The following SLC6A15 variants were observed in gnomAD, a reference collection of about 807,000 sequenced individuals.
SLC6A15 encodes solute carrier family 6 member 15.
A neutral mutation model predicts 68.5 loss-of-function variants in SLC6A15; 33 were observed. That is an observed-to-expected ratio of 0.48 (90% confidence interval 0.37 to 0.64). The LOEUF (loss-of-function observed/expected upper bound fraction) is 0.64. Among genes scored for constraint, SLC6A15 ranks in the 30% least tolerant of loss-of-function variants. The pLI is 0.00. For missense variants in SLC6A15, 747 were observed against 874.3 expected, an observed-to-expected ratio of 0.85 and a Z score of 1.84; for synonymous variants, 347 against 301.0, an observed-to-expected ratio of 1.15 and a Z score of -1.58.
intron 5 of SLC6A15, chr12:84,881,466 A>G (rs2120622540): frequency 1.0e-6 from 1 of 985,438 alleles, no homozygotes; most frequent in South Asian, 4.7e-5. Context: ...TCATAATAAA[A>G]AGGAAAATAC....
rs1020269011 is a variant in SLC6A15, at chr12:84,860,679, T to C, written c.*953A>G. ...TTTTAAACTTTGTTTATTTGTAGATTAAAATGTAATGCATTACAATTTTAA... is the reference window on the plus strand; with the variant it reads ...TTTTAAACTTTGTTTATTTGTAGATCAAAATGTAATGCATTACAATTTTAA... On this transcript the variant is annotated 3_prime_UTR_variant, in exon 12 of 12. Transcript: ENST00000266682. The C allele has an allele frequency of 2.0e-5, 3 of 152,168 alleles. No individual in the cohort carries two copies. Among genetic ancestry groups the C allele is most frequent in the African/African-American group, 7.2e-5 (3 of 41,458 alleles). 9.4% of individuals were successfully genotyped at this position (152,168 alleles called of 1,614,324 possible).
intron 1 of SLC6A15, among the ~76,000 whole-genome samples, chr12:84,902,271 A>G (rs1872917748): frequency 6.6e-6 from 1 of 151,990 alleles, no homozygotes; most frequent in African/African-American, 2.4e-5. Flanking sequence ...ATACTTCATT[A>G]AATGTATATT....
At chr12:84,892,341 T>C in intron 1 of SLC6A15, 33 bp from the exon 2 acceptor site, 2 of 406,020 alleles carry the variant, frequency 4.9e-6, no homozygotes. Flanking sequence ...GTGATCATAT[T>C]TAATGATGAA....
At chr12:84,863,654 T>TA in intron 10 of SLC6A15, 53 bp from the exon 11 acceptor site, 1 of 1,295,814 alleles carries the variant, frequency 7.7e-7, no homozygotes, top group African/African-American at 1.5e-5. Context: ...TGCTAAACCT[T>TA]AAAAAATGTG....
chr12:84,874,840 T>A (rs1398232479), intron 6 of SLC6A15, among the ~76,000 whole-genome samples: 1 of 152,236 alleles, frequency 6.6e-6, no homozygotes, highest in Non-Finnish European at 1.5e-5. Flanking sequence ...GATGTGCTTA[T>A]GTACTTTCTC....
intron 1 of SLC6A15, among the ~76,000 whole-genome samples, chr12:84,909,698 T>TA (rs1157077796): frequency 2.0e-5 from 3 of 152,248 alleles, no homozygotes; most frequent in Non-Finnish European, 2.9e-5. Flanking sequence ...TATGTAGTAA[T>TA]AAAGAATTAA....
intron 10 of SLC6A15, among the ~76,000 whole-genome samples, chr12:84,865,006 T>A (rs1336651168): frequency 6.6e-6 from 1 of 152,200 alleles, no homozygotes; most frequent in Non-Finnish European, 1.5e-5. Context: ...AAAGAGAGAT[T>A]CTTTAGTAAG....
At position 84,873,243 on chromosome 12, in the gene SLC6A15, A is replaced by G; in HGVS notation, c.953T>C (p.Ile318Thr). The change falls in exon 7 of 12, where the codon ATT becomes ACT. Residue 318 changes from isoleucine (I) to threonine (T), a missense_variant. Physicochemically the swap from Ile to Thr is moderately conservative, Grantham distance 89 (BLOSUM62 -1). Coordinates refer to ENST00000266682, the MANE Select transcript of SLC6A15 (RefSeq NM_182767.6). ...FALGLGFGGV[I>T]AFSSYNKRDN... Reference sequence around the variant, plus strand: ...TCTCTTGTTGTAGCTTGAAAAGGCAATGACACCACCAAATCCCAGACCTAA... The same window carrying G: ...TCTCTTGTTGTAGCTTGAAAAGGCAGTGACACCACCAAATCCCAGACCTAA... 1.9e-6 allele frequency: 3 copies of G among 1,614,112 alleles called. No homozygotes were observed. Among genetic ancestry groups the G allele is most frequent in the Non-Finnish European group, 2.5e-6 (3 of 1,179,992 alleles).
intron 1 of SLC6A15, among the ~76,000 whole-genome samples, chr12:84,892,725 C>A (rs1872470192): frequency 6.6e-6 from 1 of 152,126 alleles, no homozygotes; most frequent in African/African-American, 2.4e-5. Flanking sequence ...CATATATAAT[C>A]TCTTCTGTTC....
intron 6 of SLC6A15, among the ~76,000 whole-genome samples, chr12:84,874,924 G>A (rs1565723029): frequency 2.0e-5 from 3 of 152,066 alleles, no homozygotes; most frequent in Admixed American, 2.0e-4. Flanking sequence ...CTACAGAAAT[G>A]TAATAGAGTC....
chr12:84,883,720 T>C (rs1265578597), intron 5 of SLC6A15, 139 bp downstream of exon 5: 1 of 1,594,446 alleles, frequency 6.3e-7, no homozygotes, highest in East Asian at 2.2e-5. Flanking sequence ...TTTTGAAGTG[T>C]CACTTTTCAC....
At chr12:84,862,123 T>C (rs1347872639) in intron 11 of SLC6A15, 117 bp from the exon 12 acceptor site, 1 of 1,063,098 alleles carries the variant, frequency 9.4e-7, no homozygotes, top group African/African-American at 1.6e-5. Context: ...GTGACTTGCT[T>C]TGACCAATAG....
chr12:84,859,603 G>A lies in SLC6A15; in HGVS notation c.*2029C>T, dbSNP rs752988154. The A allele has an allele frequency of 2.0e-5, 3 of 151,784 alleles. No individual in the cohort carries two copies. The highest frequency in any genetic ancestry group is 7.3e-5 in the African/African-American group (3 of 41,336). 9.4% of individuals were successfully genotyped at this position (151,784 alleles called of 1,614,324 possible). Reference sequence around the variant, plus strand: ...TTTTAAGAGCCCCCATGGCAAGAGAGTGAGAGAAGAAGAATGGTGCTATTT... The same window carrying A: ...TTTTAAGAGCCCCCATGGCAAGAGAATGAGAGAAGAAGAATGGTGCTATTT... On this transcript the variant is annotated 3_prime_UTR_variant, in exon 12 of 12. Transcript: ENST00000266682.
In SLC6A15 at chr12:84,885,561, C is replaced by A; in HGVS notation, c.448G>T (p.Val150Leu). 1 of 1,610,640 alleles carries A rather than the reference C, an allele frequency of 6.2e-7. No homozygotes were observed. The highest frequency in any genetic ancestry group is 8.5e-7 in the Non-Finnish European group (1 of 1,178,624). ...TAGTAGAGAGCTACAAAATAGCACACCTGCAAAATAAAATGATATCCCATT... is the reference window on the plus strand; with the variant it reads ...TAGTAGAGAGCTACAAAATAGCACAACTGCAAAATAAAATGATATCCCATT... ...LGGIGFASCV[V>L]CYFVALYYNV... Residue 150 changes from valine to leucine, a missense_variant and splice_region_variant, in exon 4 of 12, where the codon GTG becomes TTG. Coordinates refer to ENST00000266682, the MANE Select transcript of SLC6A15 (RefSeq NM_182767.6).
At chr12:84,904,717 G>A (rs537318231) in intron 1 of SLC6A15, among the ~76,000 whole-genome samples, 33 of 152,234 alleles carry the variant, frequency 2.2e-4, no homozygotes, top group Non-Finnish European at 3.7e-4. Flanking sequence ...TCATGCTTAA[G>A]GCATCTTGGA....
intron 9 of SLC6A15, 49 bp from the exon 10 acceptor site, chr12:84,867,242 G>T: frequency 7.7e-6 from 11 of 1,421,316 alleles, no homozygotes; most frequent in Non-Finnish European, 1.0e-5. Flanking sequence ...CAGAGACAAG[G>T]CCTTTAAACT....
intron 11 of SLC6A15, 39 bp from the exon 12 acceptor site, chr12:84,862,045 T>C: frequency 3.3e-6 from 5 of 1,517,954 alleles, no homozygotes; most frequent in Non-Finnish European, 4.4e-6. Context: ...GTAATCTATC[T>C]TTCTTTGCAC....
At position 84,892,089 on chromosome 12, in the gene SLC6A15, T is replaced by C. The variant is rs554324708; in HGVS notation, c.32A>G (p.Glu11Gly). 1 of 1,613,072 alleles carries C rather than the reference T, an allele frequency of 6.2e-7. No homozygotes were observed. The highest frequency in any genetic ancestry group is 1.1e-5 in the South Asian group (1 of 91,008). The part of the protein sequence containing the change: MPKNSKVVKR[E>G]LDDDVTESVK... The stretch of plus-strand genomic sequence containing the variant: ...AGACTCAGTAACATCATCATCTAAT[T>C]CTCTTTTTACCACCTTGCTATTTTT... Residue 11 changes from glutamate (E) to glycine (G), a missense_variant, in exon 2 of 12, where the codon GAA (glutamate) becomes GGA (glycine). Transcript: ENST00000266682.
chr12:84,869,894 T>C (rs1871215200), intron 9 of SLC6A15, among the ~76,000 whole-genome samples: 1 of 152,160 alleles, frequency 6.6e-6, no homozygotes, highest in East Asian at 1.9e-4. Flanking sequence ...TTTTATATCC[T>C]TTATAGCCCT....
Sources: allele counts gnomAD v4.1 joint callset (sites outside exome capture counted in the v4.1 genomes callset), GRCh38; gene constraint gnomAD v4.1.1; transcripts MANE v1.5; gene names NCBI Gene and HGNC (gene_info 2026-07-23, HGNC 2026-07-21).